The following ANO3 variants were observed in gnomAD, a reference collection of about 807,000 sequenced individuals.
ANO3 encodes anoctamin 3.
A neutral mutation model predicts 144.8 loss-of-function variants in ANO3; 99 were observed. The ratio of observed to expected loss-of-function variants is 0.68; its 90% confidence interval spans 0.58 to 0.81. ANO3 has a LOEUF of 0.81. ANO3 is among the 30% of genes least tolerant of loss of function. The pLI, the probability that ANO3 is intolerant of heterozygous loss-of-function variation, is 0.00. For synonymous variants in ANO3, 414 were observed against 392.6 expected, an observed-to-expected ratio of 1.05 and a Z score of -0.64; for missense variants, 905 against 1,202.2, an observed-to-expected ratio of 0.75 and a Z score of 3.66.
intron 1 of ANO3, chr11:26,208,030 A>G (rs1237159402): frequency 2.6e-5 from 4 of 152,104 alleles, no homozygotes; most frequent in Non-Finnish European, 5.9e-5. Flanking sequence ...ATAAGGGCCC[A>G]TTTTCTTATT....
intron 1 of ANO3, among the ~76,000 whole-genome samples, chr11:26,253,808 G>T (rs76394388): frequency 0.018 from 2,791 of 152,206 alleles, 67 homozygotes; most frequent in East Asian, 0.12. Flanking sequence ...TACCAAGCTA[G>T]ATGGCAAATC....
intron 1 of ANO3, among the ~76,000 whole-genome samples, chr11:26,193,613 C>T (rs1378754772): frequency 2.6e-5 from 4 of 152,062 alleles, no homozygotes; most frequent in Non-Finnish European, 4.4e-5. Context: ...AAAATTCTAC[C>T]CAGAAAGTTC....
At chr11:26,454,762 C>T (rs1434951837) in intron 3 of ANO3, among the ~76,000 whole-genome samples, 1 of 146,336 alleles carries the variant, frequency 6.8e-6, no homozygotes, top group Non-Finnish European at 1.5e-5. Context: ...CAGGCAGAGA[C>T]ACAACAAAAA....
chr11:26,545,645 G>T (rs558116688), intron 11 of ANO3, among the ~76,000 whole-genome samples: 1 of 151,732 alleles, frequency 6.6e-6, no homozygotes, highest in South Asian at 2.1e-4. Context: ...TGGTTTCATT[G>T]TATGATAGAA....
chr11:26,541,296 C>T (rs934407432), intron 10 of ANO3, among the ~76,000 whole-genome samples: 3 of 151,368 alleles, frequency 2.0e-5, no homozygotes, highest in Non-Finnish European at 2.9e-5. Context: ...GGCCAGTTCG[C>T]GGGTGGGGAG....
At position 26,654,386 on chromosome 11, in the gene ANO3, A is replaced by C. The variant is rs1565169295; in HGVS notation, c.2577-1739A>C. 2.0e-5 allele frequency among the ~76,000 whole-genome samples: 3 copies of C among 152,066 alleles called. No homozygotes were observed. In the South Asian group the frequency reaches 6.2e-4, roughly 32 times the overall value. ...TGGTATTTGTAATGTCACTATAAAT[A>C]GTATTTATTTAAATTTTATTTTCTT... On this transcript the variant is annotated intron_variant, in intron 24 of 26. Coordinates refer to ENST00000256737, the MANE Select transcript of ANO3 (RefSeq NM_031418.4).
intron 3 of ANO3, among the ~76,000 whole-genome samples, chr11:26,447,629 G>T (rs1858751059): frequency 6.6e-6 from 1 of 152,184 alleles, no homozygotes; most frequent in African/African-American, 2.4e-5. Flanking sequence ...TTTGGGTAAT[G>T]ATTAGTTAGA....
intron 1 of ANO3, among the ~76,000 whole-genome samples, chr11:26,282,042 G>A (rs1239496240): frequency 6.6e-6 from 1 of 152,146 alleles, no homozygotes; most frequent in Non-Finnish European, 1.5e-5. Context: ...TAGCAGCAGG[G>A]ACCTATGAAG....
Position 26,553,224 on chromosome 11 carries a change from G to GTT in ANO3, c.1290-21_1290-20dup, listed in dbSNP as rs367822925. The GTT allele has an allele frequency of 1.6e-4, 184 of 1,174,100 alleles. 3 individuals carry two copies. Among genetic ancestry groups the GTT allele is most frequent in the African/African-American group, 1.5e-3 (69 of 44,918 alleles). 72.7% of individuals were successfully genotyped at this position (1,174,100 alleles called of 1,614,324 possible). On this transcript the variant is annotated intron_variant, in intron 12 of 26. Transcript: ENST00000256737. ...ACAGTTTCATGCTATGTTTTGTTTT[G>GTT]TTTTTGTTTTTGTTTTTTCTCAAGC...
chr11:26,528,688 T>C (rs1849227985), intron 7 of ANO3, among the ~76,000 whole-genome samples: 1 of 152,028 alleles, frequency 6.6e-6, no homozygotes, highest in Non-Finnish European at 1.5e-5. Flanking sequence ...ATTAGAAATG[T>C]TTAGCCCAAT....
chr11:26,284,005 G>T (rs757264595), intron 1 of ANO3, among the ~76,000 whole-genome samples: 2 of 152,164 alleles, frequency 1.3e-5, no homozygotes, highest in Non-Finnish European at 2.9e-5. Flanking sequence ...TGACCCATGT[G>T]GGGGAACTGT....
intron 1 of ANO3, among the ~76,000 whole-genome samples, chr11:26,334,191 C>G (rs1564969892): frequency 6.6e-6 from 1 of 152,170 alleles, no homozygotes; most frequent in Non-Finnish European, 1.5e-5. Context: ...TTCCTTTACT[C>G]TTTGGCACAA....
intron 1 of ANO3, among the ~76,000 whole-genome samples, chr11:26,356,120 T>G (rs1382892406): frequency 6.6e-6 from 1 of 152,188 alleles, no homozygotes; most frequent in East Asian, 1.9e-4. Flanking sequence ...CACCTATTTG[T>G]CTTTTTTCTT....
At chr11:26,541,803 T>C in intron 10 of ANO3, 144 bp from the exon 11 acceptor site, 1 of 615,120 alleles carries the variant, frequency 1.6e-6, no homozygotes, top group Admixed American at 3.6e-5. Context: ...ATCCATCACA[T>C]CATTCCAGCG....
intron 1 of ANO3, among the ~76,000 whole-genome samples, chr11:26,255,492 T>G (rs1293663253): frequency 6.6e-6 from 1 of 152,180 alleles, no homozygotes; most frequent in Admixed American, 6.6e-5. Context: ...ATCTTAGTAC[T>G]CTACAATGTT....
chr11:26,486,742 A>G (rs2134098196), intron 4 of ANO3, among the ~76,000 whole-genome samples: 1 of 152,342 alleles, frequency 6.6e-6, no homozygotes, highest in African/African-American at 2.4e-5. Flanking sequence ...TAAAGGAATG[A>G]AATAAAATAA....
At position 26,253,259 on chromosome 11, in the gene ANO3, G is replaced by A. The variant is rs1162885173; in HGVS notation, c.155-56386G>A. On this transcript the variant is annotated intron_variant, in intron 1 of 27. Transcript: ENST00000672621. ...GAACTCATGTCCTTTGCAGGGACAT[G>A]GATGGAGCTAGAGGCCATTATCCTT... is the stretch of plus-strand genomic sequence containing the variant. Among the ~76,000 whole-genome samples, 4 of 152,166 alleles carry A rather than the reference G, an allele frequency of 2.6e-5. No individual in the cohort carries two copies. In the East Asian group the frequency reaches 7.7e-4, roughly 29 times the overall value.
chr11:26,477,254 C>G (rs1444757374), intron 4 of ANO3, among the ~76,000 whole-genome samples: 4 of 152,038 alleles, frequency 2.6e-5, no homozygotes, highest in Non-Finnish European at 2.9e-5. Context: ...GAATGGTCCT[C>G]AGATTTTAGA....
chr11:26,375,173 C>T lies in ANO3; in HGVS notation c.46+42852C>T, dbSNP rs569344924. 2.6e-5 allele frequency among the ~76,000 whole-genome samples: 4 copies of T among 152,306 alleles called. No homozygotes were observed. In the East Asian group the frequency reaches 7.7e-4, roughly 29 times the overall value. ...TGGGTGACAGTGACAGATCATCAGA[C>T]ATTAGATTCTCATAAGGAGTACACA... On this transcript the variant is annotated intron_variant, in intron 1 of 26. Transcript: ENST00000256737.
Sources: gnomAD v4.1 joint callset for allele counts (sites outside exome capture counted in the v4.1 genomes callset) on GRCh38, gnomAD v4.1.1 for gene constraint, MANE v1.5 for transcripts, NCBI Gene and HGNC (gene_info 2026-07-23, HGNC 2026-07-21) for gene names.